Variants in PCDHGB6 observed in about 807,000 individuals in gnomAD.
The protein encoded by PCDHGB6 is protocadherin gamma subfamily B, 6.
Under a neutral mutation model 59.1 loss-of-function variants are expected in PCDHGB6, and 51 were observed. The ratio of observed to expected loss-of-function variants is 0.86; its 90% CI spans 0.69 to 1.09. PCDHGB6 has a LOEUF of 1.09. PCDHGB6 is among the 50% of genes least tolerant of loss of function. The pLI is 0.00. For synonymous variants in PCDHGB6, 466 were observed against 495.1 expected (o/e 0.94, Z 0.78); for missense variants, 1,148 against 1,205.1 (o/e 0.95, Z 0.70).
chr5:141,417,525 C>G (rs1435259680), intron 1 of PCDHGB6: 1 of 272,692 alleles, frequency 3.7e-6, no homozygotes, highest in African/African-American at 2.2e-5. Flanking sequence ...GCTGTCAACT[C>G]GTAGTTTAAA....
intron 3 of PCDHGB6, among the ~76,000 whole-genome samples, chr5:141,507,809 C>T (rs866898784): frequency 2.0e-5 from 3 of 152,206 alleles, no homozygotes; most frequent in Non-Finnish European, 2.9e-5. Flanking sequence ...CCCTGGGGAA[C>T]GGACCCTGGG....
Position 141,438,643 on chromosome 5 carries a change from C to CATAT in PCDHGB6, c.2418+28024_2418+28025insTATA, listed in dbSNP as rs1213792286. ...ATATATATATATATATATACACACACACACACACATATATGTATATATATA... is the reference window on the plus strand; with the variant it reads ...ATATATATATATATATATACACACACATATACACACACATATATGTATATATATA... On this transcript the variant is annotated intron_variant, in intron 1 of 3. Transcript: ENST00000520790. Among the ~76,000 whole-genome samples, 345 of 117,382 alleles carry CATAT rather than the reference C, an allele frequency of 2.9e-3. 2 individuals are homozygous for CATAT. Among genetic ancestry groups the CATAT allele is most frequent in the Admixed American group, 6.8e-3 (78 of 11,434 alleles). 77.0% of individuals were successfully genotyped at this position (117,382 alleles called of 152,430 possible). A position where few individuals can be genotyped will look rare whatever the true frequency, so the allele number is the denominator to read the frequency against.
Position 141,489,565 on chromosome 5 carries a change from G to C in PCDHGB6, c.2419-5242G>C. The C allele has an allele frequency of 6.2e-7, 1 of 1,614,118 alleles. No homozygotes were observed. ...CAGCTGCCTGCTGCCAGTGCAGGTGGTGACTGAACACCCCCTGGAGCTAAT... is the reference window on the plus strand; with the variant it reads ...CAGCTGCCTGCTGCCAGTGCAGGTGCTGACTGAACACCCCCTGGAGCTAAT... On this transcript the variant is annotated intron_variant, in intron 1 of 3. Coordinates refer to ENST00000520790, the MANE Select transcript of PCDHGB6 (RefSeq NM_018926.3). This position sits in a 1 kb window ranked among gnomAD's most constrained non-coding sequence, Gnocchi z 4.5.
At chr5:141,501,606 G>A (rs2099810134) in intron 2 of PCDHGB6, among the ~76,000 whole-genome samples, 1 of 152,012 alleles carries the variant, frequency 6.6e-6, no homozygotes, top group African/African-American at 2.4e-5. Flanking sequence ...AGTTCCAGCT[G>A]TGTGACTCTG....
chr5:141,472,865 A>G (rs1329594490), intron 1 of PCDHGB6, among the ~76,000 whole-genome samples: 3 of 149,558 alleles, frequency 2.0e-5, no homozygotes, highest in Non-Finnish European at 4.5e-5. Flanking sequence ...ACATGCCTGT[A>G]TTCCCAGCTA....
intron 1 of PCDHGB6, chr5:141,441,364 C>T (rs533396852): frequency 6.6e-6 from 1 of 152,646 alleles, no homozygotes; most frequent in South Asian, 2.1e-4. Context: ...CAAATGGGGC[C>T]GTGGACCAGG....
chr5:141,413,456 T>C (rs2095643709), intron 1 of PCDHGB6: 30 of 1,613,982 alleles, frequency 1.9e-5, no homozygotes, highest in South Asian at 2.2e-5. Flanking sequence ...GCGGGCAGGA[T>C]AGACCGGGAG....
chr5:141,421,901 G>C (rs754277661), intron 1 of PCDHGB6: 1 of 1,613,724 alleles, frequency 6.2e-7, no homozygotes, highest in East Asian at 2.2e-5. Flanking sequence ...ATCCGAAAGG[G>C]CGCAGTTCCC....
At chr5:141,428,606 A>G (rs1270096118) in intron 1 of PCDHGB6, 4 of 216,044 alleles carry the variant, frequency 1.9e-5, no homozygotes, top group Admixed American at 1.6e-4. Context: ...TTCACTGAAG[A>G]GAATAACAAG....
At chr5:141,459,814 T>C (rs757306281) in intron 1 of PCDHGB6, among the ~76,000 whole-genome samples, 1 of 152,256 alleles carries the variant, frequency 6.6e-6, no homozygotes, top group African/African-American at 2.4e-5. Flanking sequence ...CTAGAGACAC[T>C]GAGCAACTTT....
intron 1 of PCDHGB6, among the ~76,000 whole-genome samples, chr5:141,448,434 G>A (rs2098588755): frequency 1.3e-5 from 2 of 152,052 alleles, no homozygotes; most frequent in Non-Finnish European, 2.9e-5. Context: ...TATATATTGA[G>A]AAGTCTGACT....
chr5:141,491,513 A>C lies in PCDHGB6; in HGVS notation c.2419-3294A>C, dbSNP rs1163218369. On this transcript the variant is annotated intron_variant, in intron 1 of 3. Coordinates refer to ENST00000520790, the MANE Select transcript of PCDHGB6 (RefSeq NM_018926.3). The surrounding 1 kb of genome is among the most constrained non-coding windows in gnomAD (Gnocchi z 6.9). ...CAGGTGAGCTCGGACGGCACGCTCAAGTACATGGAGGTGACGCTGCGGCCC... is the reference window on the plus strand; with the variant it reads ...CAGGTGAGCTCGGACGGCACGCTCACGTACATGGAGGTGACGCTGCGGCCC... The C allele has an allele frequency of 6.2e-7, 1 of 1,613,934 alleles. No individual in the cohort carries two copies. Among genetic ancestry groups the C allele is most frequent in the East Asian group, 2.2e-5 (1 of 44,888 alleles).
chr5:141,425,194 A>G (rs1464968527), intron 1 of PCDHGB6, among the ~76,000 whole-genome samples: 1 of 152,206 alleles, frequency 6.6e-6, no homozygotes, highest in Non-Finnish European at 1.5e-5. Context: ...CAAACTGAGA[A>G]AAATGATGTA....
chr5:141,420,963 A>T, intron 1 of PCDHGB6: 1 of 430,262 alleles, frequency 2.3e-6, no homozygotes, highest in Non-Finnish European at 4.1e-6. Flanking sequence ...TAGTCGTTGC[A>T]ATAATAAGAA....
rs1362496624 is a variant in PCDHGB6, at chr5:141,432,370, C to T, written c.2418+21750C>T. On this transcript the variant is annotated intron_variant, in intron 1 of 3. Coordinates refer to ENST00000520790, the MANE Select transcript of PCDHGB6 (RefSeq NM_018926.3). This position sits in a 1 kb window ranked among gnomAD's most constrained non-coding sequence, Gnocchi z 6.0. ...AAGTGAAAGTGATGGCGCGGGACAA[C>T]GGGCACCCGCCCCTCAGCAGCAACG... The T allele has an allele frequency of 6.2e-7, 1 of 1,614,240 alleles. No individual in the cohort carries two copies. Among genetic ancestry groups the T allele is most frequent in the Non-Finnish European group, 8.5e-7 (1 of 1,180,048 alleles).
At chr5:141,481,813 G>A (rs185558948) in intron 1 of PCDHGB6, among the ~76,000 whole-genome samples, 15 of 151,942 alleles carry the variant, frequency 9.9e-5, no homozygotes, top group East Asian at 7.8e-4. Context: ...TTCACCAGGC[G>A]TGGTGGCTGA....
intron 1 of PCDHGB6, chr5:141,478,753 G>A (rs2099475642): frequency 2.0e-6 from 3 of 1,519,424 alleles, no homozygotes; most frequent in Admixed American, 2.1e-5. Context: ...ATTTCAGGGG[G>A]AAGATACTTG....
In PCDHGB6 at chr5:141,477,767, A is replaced by G. The variant is rs1178354274; in HGVS notation, c.2419-17040A>G. 6.2e-7 allele frequency: 1 copy of G among 1,613,906 alleles called. No homozygotes were observed. The highest frequency in any genetic ancestry group is 8.5e-7 in the Non-Finnish European group (1 of 1,180,038). On this transcript the variant is annotated intron_variant, in intron 1 of 3. Coordinates refer to ENST00000520790, the MANE Select transcript of PCDHGB6 (RefSeq NM_018926.3). The surrounding 1 kb of genome is among the most constrained non-coding windows in gnomAD (Gnocchi z 4.9). ...GGGCACCCCGGTCCTAGCCACCAAC[A>G]TCAGCGTGAACATATTTGTCACTGA...
intron 1 of PCDHGB6, chr5:141,478,150 C>T (rs569939900): frequency 6.2e-7 from 1 of 1,614,086 alleles, no homozygotes; most frequent in African/African-American, 1.3e-5. Flanking sequence ...CCGAGTTCCC[C>T]TCTGGCTCTG....
Sources: allele counts gnomAD v4.1 joint callset (sites outside exome capture counted in the v4.1 genomes callset), GRCh38; gene constraint gnomAD v4.1.1; non-coding constraint Gnocchi (gnomAD v3.1); transcripts MANE v1.5; gene names NCBI Gene and HGNC (gene_info 2026-07-23, HGNC 2026-07-21).